ZNF407: variants seen among roughly 807,000 people sequenced by gnomAD.
ZNF407 encodes zinc finger protein 407.
ZNF407 carries 17 observed loss-of-function variants against 131.2 expected under a neutral mutation model. The ratio of observed to expected loss-of-function variants is 0.13; its 90% CI spans 0.09 to 0.19. The LOEUF is 0.19. ZNF407 is among the 10% of genes least tolerant of loss of function. The probability of loss-of-function intolerance (pLI) is 1.00; values close to 1 mark genes in which losing one functional copy is unlikely to be tolerated. For synonymous variants in ZNF407, 1,156 were observed against 1,062.0 expected, an observed-to-expected ratio of 1.09 and a Z score of -1.72; for missense variants, 2,681 against 2,830.6, an observed-to-expected ratio of 0.95 and a Z score of 1.20.
Position 74,633,736 on chromosome 18 carries a change from G to T in ZNF407, c.2717G>T (p.Arg906Leu). 1 of 1,613,964 alleles carries T rather than the reference G, an allele frequency of 6.2e-7. No individual in the cohort carries two copies. Among genetic ancestry groups the T allele is most frequent in the Non-Finnish European group, 8.5e-7 (1 of 1,179,902 alleles). The change falls in exon 2 of 9, where the codon CGG (arginine) becomes CTG (leucine). Residue 906 changes from arginine (R) to leucine (L), a missense_variant. Coordinates refer to ENST00000299687, the MANE Select transcript of ZNF407 (RefSeq NM_017757.3). ...TGTGCCACCAAGAAACATAAAGGAC[G>T]GGTAGAAATAGAAGCAAGTGGAAAA... ...RHCATKKHKG[R>L]VEIEASGKHS...
Position 74,766,763 on chromosome 18 carries a change from C to T in ZNF407, c.4803-14665C>T, listed in dbSNP as rs959273880. Among the ~76,000 whole-genome samples the T allele has an allele frequency of 3.2e-4, 48 of 152,214 alleles. 1 individual carries two copies. The highest frequency in any genetic ancestry group is 4.2e-4 in the South Asian group (2 of 4,814). On this transcript the variant is annotated intron_variant, in intron 3 of 8. Transcript: ENST00000299687. ...GCCATGTTTTGTTTTTAGGGTTATT[C>T]GTTCTTCAATTTACATTTTCTCTTT...
intron 1 of ZNF407, among the ~76,000 whole-genome samples, chr18:74,618,073 C>T (rs1983390091): frequency 6.6e-6 from 1 of 152,208 alleles, no homozygotes; most frequent in Admixed American, 6.5e-5. Flanking sequence ...CTTACTCATT[C>T]CTACTTGTAA....
chr18:74,870,665 T>C (rs1417383889), intron 4 of ZNF407, among the ~76,000 whole-genome samples: 1 of 152,192 alleles, frequency 6.6e-6, no homozygotes, highest in Non-Finnish European at 1.5e-5. Flanking sequence ...GGTTTTTATT[T>C]AGCCTTTGTA....
intron 3 of ZNF407, among the ~76,000 whole-genome samples, chr18:74,741,467 T>G (rs1387516452): frequency 6.6e-6 from 1 of 152,174 alleles, no homozygotes; most frequent in Non-Finnish European, 1.5e-5. Context: ...TTTATGTTAT[T>G]TGGACTAGAC....
chr18:74,714,952 G>A (rs1368841291), intron 3 of ZNF407, among the ~76,000 whole-genome samples: 2 of 152,032 alleles, frequency 1.3e-5, no homozygotes, highest in East Asian at 1.9e-4. Flanking sequence ...ACAGGGCGTC[G>A]CTCTGGATAG....
chr18:74,855,395 G>C lies in ZNF407; in HGVS notation c.4878-21802G>C, dbSNP rs1033485438. 2.6e-5 allele frequency among the ~76,000 whole-genome samples: 4 copies of C among 151,958 alleles called. No homozygotes were observed. The South Asian group carries it at 8.3e-4, about 31-fold the overall frequency. ...GTATGTTTAAAATTGTTTAACAGTC[G>C]TTGGAAGATACATGTAGCATAATTT... is the stretch of plus-strand genomic sequence containing the variant. On this transcript the variant is annotated intron_variant, in intron 4 of 8. Transcript: ENST00000299687.
intron 8 of ZNF407, among the ~76,000 whole-genome samples, chr18:75,033,669 G>C (rs1599304228): frequency 1.3e-5 from 2 of 152,202 alleles, no homozygotes; most frequent in East Asian, 3.9e-4. Flanking sequence ...GCAGAGTAAT[G>C]ATTCAGACAA....
chr18:74,894,274 TA>T (rs1363633075), intron 7 of ZNF407, among the ~76,000 whole-genome samples: 6 of 152,124 alleles, frequency 3.9e-5, no homozygotes, highest in African/African-American at 1.4e-4. Context: ...CTATTCGTTA[TA>T]AATTCAAAGC....
chr18:74,916,711 G>A (rs1971774508), intron 7 of ZNF407, among the ~76,000 whole-genome samples: 1 of 144,574 alleles, frequency 6.9e-6, no homozygotes, highest in Non-Finnish European at 1.5e-5. Flanking sequence ...GGGAGTGTGT[G>A]TGTGTATGTG....
chr18:74,646,327 A>G (rs903765911), intron 3 of ZNF407, among the ~76,000 whole-genome samples: 6 of 152,212 alleles, frequency 3.9e-5, no homozygotes, highest in Non-Finnish European at 5.9e-5. Context: ...TTTTGGTTAA[A>G]GAGATATAGA....
intron 4 of ZNF407, among the ~76,000 whole-genome samples, chr18:74,828,673 G>A (rs1435300885): frequency 6.6e-6 from 1 of 152,124 alleles, no homozygotes; most frequent in African/African-American, 2.4e-5. Flanking sequence ...TTCCTGGTGT[G>A]TGCTAGAAAA....
chr18:74,966,246 T>G (rs1381050704), intron 8 of ZNF407, among the ~76,000 whole-genome samples: 1 of 152,232 alleles, frequency 6.6e-6, no homozygotes, highest in Non-Finnish European at 1.5e-5. Flanking sequence ...CCCAGACCAG[T>G]GTCCTAGAGA....
At chr18:74,770,741 G>A (rs1334119722) in intron 3 of ZNF407, among the ~76,000 whole-genome samples, 1 of 152,144 alleles carries the variant, frequency 6.6e-6, no homozygotes, top group African/African-American at 2.4e-5. Context: ...GTATGCATGT[G>A]TGTGTGGGGT....
At chr18:74,722,748 A>G (rs970900765) in intron 3 of ZNF407, among the ~76,000 whole-genome samples, 2 of 152,116 alleles carry the variant, frequency 1.3e-5, no homozygotes, top group Non-Finnish European at 2.9e-5. Context: ...TGTTGCTTTC[A>G]TTTGATTTTC....
At chr18:74,736,285 T>G (rs1968410042) in intron 3 of ZNF407, among the ~76,000 whole-genome samples, 1 of 152,152 alleles carries the variant, frequency 6.6e-6, no homozygotes, top group Non-Finnish European at 1.5e-5. Flanking sequence ...TTAGGTAGAA[T>G]TATTTTGAAG....
At chr18:75,012,610 C>A (rs1387524915) in intron 8 of ZNF407, among the ~76,000 whole-genome samples, 5 of 151,866 alleles carry the variant, frequency 3.3e-5, no homozygotes, top group Non-Finnish European at 1.5e-5. Flanking sequence ...AGGTTGGAAG[C>A]AGTTCTGCCC....
chr18:74,756,907 T>C lies in ZNF407; in HGVS notation c.4803-24521T>C, dbSNP rs577721331. 2.2e-4 allele frequency among the ~76,000 whole-genome samples: 33 copies of C among 152,284 alleles called. No individual in the cohort carries two copies. In the South Asian group the frequency reaches 4.1e-3, roughly 19 times the overall value. Reference sequence around the variant, plus strand: ...CATGGATGTTTATAGTATTCATCTTTAATTCTTTTTACCTTTGTAAGGTTA... The same window carrying C: ...CATGGATGTTTATAGTATTCATCTTCAATTCTTTTTACCTTTGTAAGGTTA... On this transcript the variant is annotated intron_variant, in intron 3 of 8. Coordinates refer to ENST00000299687, the MANE Select transcript of ZNF407 (RefSeq NM_017757.3).
intron 4 of ZNF407, among the ~76,000 whole-genome samples, chr18:74,806,587 A>C (rs968271358): frequency 7.9e-5 from 12 of 152,228 alleles, no homozygotes; most frequent in Admixed American, 7.8e-4. Flanking sequence ...ATGATAAATG[A>C]AAATACTGTA....
Position 74,623,185 on chromosome 18 carries a change from CGT to C in ZNF407, c.-53-7775_-53-7774del, listed in dbSNP as rs1568317133. On this transcript the variant is annotated intron_variant, in intron 1 of 8. Transcript: ENST00000299687. ...GTGTGTGTACGTGTGAATGTGAATC[CGT>C]GTGTGTCTGTATGTCTGTGAATATG... Among the ~76,000 whole-genome samples, 8 of 149,322 alleles carry C rather than the reference CGT, an allele frequency of 5.4e-5. No individual in the cohort carries two copies. In the East Asian group the frequency reaches 1.2e-3, roughly 22 times the overall value.
Sources: gnomAD v4.1 joint callset for allele counts (sites outside exome capture counted in the v4.1 genomes callset) on GRCh38, gnomAD v4.1.1 for gene constraint, MANE v1.5 for transcripts, NCBI Gene and HGNC (gene_info 2026-07-23, HGNC 2026-07-21) for gene names.